The following DPP6 variants were observed in gnomAD, a reference collection of about 807,000 sequenced individuals.
DPP6 encodes A-type potassium channel modulatory protein DPP6.
In DPP6, 69 loss-of-function variants were observed where a neutral mutation model predicts 122.6. The ratio of observed to expected loss-of-function variants is 0.56; its 90% CI spans 0.46 to 0.69. The LOEUF (loss-of-function observed/expected upper bound fraction) is 0.69, where lower values mean the gene tolerates loss of function less well. Ranked by LOEUF, DPP6 falls within the 30% of genes least tolerant of loss-of-function variation. The pLI is 0.00. For missense variants in DPP6, 928 were observed against 1,116.9 expected (o/e 0.83, Z 2.41); for synonymous variants, 418 against 433.1 (o/e 0.97, Z 0.43).
At chr7:154,413,522 A>G (rs920397174) in intron 1 of DPP6, among the ~76,000 whole-genome samples, 2 of 152,228 alleles carry the variant, frequency 1.3e-5, no homozygotes, top group East Asian at 3.8e-4. Flanking sequence ...GCGAATATAT[A>G]GGATATTATC....
chr7:154,756,510 G>A (rs541113217), intron 8 of DPP6, among the ~76,000 whole-genome samples: 1 of 152,290 alleles, frequency 6.6e-6, no homozygotes, highest in African/African-American at 2.4e-5. Context: ...TGTTTACAGA[G>A]GAGGAAACTG....
intron 1 of DPP6, 53 bp downstream of exon 1, chr7:154,053,116 G>C (rs1334800304): frequency 9.7e-7 from 1 of 1,031,902 alleles, no homozygotes; most frequent in Non-Finnish European, 1.2e-6. Context: ...GGCTGAGCGC[G>C]CAGCGAGACG....
At chr7:154,758,524 G>A (rs1395320997) in intron 8 of DPP6, among the ~76,000 whole-genome samples, 4 of 151,688 alleles carry the variant, frequency 2.6e-5, no homozygotes, top group Admixed American at 6.6e-5. Context: ...GGCATGCACC[G>A]CCACGTCCAG....
At chr7:154,227,250 G>A (rs558084422) in intron 1 of DPP6, among the ~76,000 whole-genome samples, 14 of 5,880 alleles carry the variant, frequency 2.4e-3, no homozygotes, top group Non-Finnish European at 3.9e-3. Context: ...ATATTAATGG[G>A]TGTTAAAAAA....
intron 16 of DPP6, among the ~76,000 whole-genome samples, chr7:154,846,859 T>A (rs1469999518): frequency 6.6e-6 from 1 of 152,236 alleles, no homozygotes; most frequent in Non-Finnish European, 1.5e-5. Context: ...TGCTACTAGA[T>A]GTTTTCGCTT....
intron 17 of DPP6, among the ~76,000 whole-genome samples, chr7:154,861,930 T>C (rs1440479880): frequency 6.6e-6 from 1 of 152,092 alleles, no homozygotes; most frequent in East Asian, 1.9e-4. Flanking sequence ...CCATTTTCAC[T>C]GAACGCCTGA....
chr7:153,867,606 T>C, the DPP6 span, among the ~76,000 whole-genome samples: 2 of 152,204 alleles, frequency 1.3e-5, no homozygotes, highest in Non-Finnish European at 2.9e-5. Context: ...ACAGGGACAA[T>C]TTGACTTCCT....
intron 1 of DPP6, among the ~76,000 whole-genome samples, chr7:154,425,705 T>C (rs1817860466): frequency 6.6e-6 from 1 of 151,442 alleles, no homozygotes; most frequent in African/African-American, 2.4e-5. Flanking sequence ...TGCAGTGGCA[T>C]GATCATAGCT....
chr7:154,652,912 C>A lies in DPP6; in HGVS notation c.680+15039C>A, dbSNP rs542646151. 4.0e-4 allele frequency among the ~76,000 whole-genome samples: 61 copies of A among 152,212 alleles called. 1 individual carries two copies. The South Asian group carries it at 0.011, about 27-fold the overall frequency. ...TGGGAAAGAGGCTGAGAGGAAAGAA[C>A]GCTCTGAGTGGGAAGAGAGGAGGGA... On this transcript the variant is annotated intron_variant, in intron 6 of 25. Transcript: ENST00000377770.
chr7:153,788,115 T>G, the DPP6 span, among the ~76,000 whole-genome samples: 2 of 152,236 alleles, frequency 1.3e-5, no homozygotes, highest in African/African-American at 4.8e-5. Context: ...TCTAGGTTAT[T>G]TTGTAGACAT....
intron 10 of DPP6, among the ~76,000 whole-genome samples, chr7:154,789,876 C>T (rs768026546): frequency 6.6e-5 from 10 of 152,208 alleles, no homozygotes; most frequent in Non-Finnish European, 1.5e-4. Context: ...CACCCTCGTA[C>T]ACCGACTTGA....
intron 1 of DPP6, among the ~76,000 whole-genome samples, chr7:153,914,367 A>G (rs1172003755): frequency 2.6e-5 from 4 of 152,180 alleles, no homozygotes; most frequent in African/African-American, 9.7e-5. Context: ...ACAGACTAAT[A>G]CATATGGCTA....
chr7:154,013,347 C>T (rs989944885), intron 1 of DPP6, among the ~76,000 whole-genome samples: 4 of 152,086 alleles, frequency 2.6e-5, no homozygotes, highest in Non-Finnish European at 5.9e-5. Flanking sequence ...TGTATTTAAC[C>T]ACTTTGTTGC....
chr7:154,663,751 G>T (rs1426828373), intron 6 of DPP6, among the ~76,000 whole-genome samples: 3 of 98,320 alleles, frequency 3.1e-5, no homozygotes, highest in African/African-American at 9.5e-5. Flanking sequence ...CGGCCGTAGT[G>T]TTCATATAGT....
intron 2 of DPP6, among the ~76,000 whole-genome samples, chr7:154,448,679 C>T (rs1820096071): frequency 6.6e-6 from 1 of 152,066 alleles, no homozygotes; most frequent in Admixed American, 6.6e-5. Flanking sequence ...TACTGTAAAG[C>T]TACAGAAATC....
At chr7:154,306,797 T>G (rs1806387656) in intron 1 of DPP6, among the ~76,000 whole-genome samples, 1 of 152,176 alleles carries the variant, frequency 6.6e-6, no homozygotes, top group Non-Finnish European at 1.5e-5. Context: ...TTATATTCAG[T>G]GTGACAGTGT....
chr7:154,791,588 C>CG (rs1382925487), intron 10 of DPP6, among the ~76,000 whole-genome samples: 3 of 152,142 alleles, frequency 2.0e-5, no homozygotes, highest in East Asian at 1.9e-4. Flanking sequence ...TGAGATTTGC[C>CG]GGGGGGACAT....
chr7:154,798,843 T>C (rs1215617609), intron 12 of DPP6, among the ~76,000 whole-genome samples: 2 of 152,240 alleles, frequency 1.3e-5, no homozygotes, highest in African/African-American at 4.8e-5. Context: ...GTAGTGTTTC[T>C]GCATCCCTCG....
intron 21 of DPP6, among the ~76,000 whole-genome samples, chr7:154,882,854 G>A (rs1195369421): frequency 6.6e-6 from 1 of 152,202 alleles, no homozygotes; most frequent in African/African-American, 2.4e-5. Context: ...CATTAGACAA[G>A]GTGCCCCTGC....
Sources: gnomAD v4.1 joint callset for allele counts (sites outside exome capture counted in the v4.1 genomes callset) on GRCh38, gnomAD v4.1.1 for gene constraint, MANE v1.5 for transcripts, NCBI Gene and HGNC (gene_info 2026-07-23, HGNC 2026-07-21) for gene names.